ABCD2: variants seen among roughly 807,000 people sequenced by gnomAD.
ABCD2 encodes ATP binding cassette subfamily D member 2, also known as ATP-binding cassette sub-family D member 2.
A neutral mutation model predicts 70.9 loss-of-function variants in ABCD2; 36 were observed. That is an observed-to-expected ratio of 0.51 (90% CI 0.39 to 0.67). ABCD2 has a LOEUF of 0.67. Among genes scored for constraint, ABCD2 ranks in the 30% least tolerant of loss-of-function variants. The pLI is 0.00. For missense variants in ABCD2, 729 were observed against 890.2 expected, an observed-to-expected ratio of 0.82 and a Z score of 2.30; for synonymous variants, 304 against 306.9, an observed-to-expected ratio of 0.99 and a Z score of 0.10.
At chr12:39,576,280 C>T (rs1312273710) in intron 8 of ABCD2, among the ~76,000 whole-genome samples, 1 of 152,156 alleles carries the variant, frequency 6.6e-6, no homozygotes, top group African/African-American at 2.4e-5. Flanking sequence ...CTGCCTCAGC[C>T]TCCCGAGTAG....
At chr12:39,597,860 AT>A (rs975503524) in intron 6 of ABCD2, among the ~76,000 whole-genome samples, 8 of 152,060 alleles carry the variant, frequency 5.3e-5, no homozygotes, top group African/African-American at 1.7e-4. Context: ...ATCTACCAAC[AT>A]TTTTTTGTGT....
At position 39,604,822 on chromosome 12, in the gene ABCD2, T is replaced by C. The variant is rs1174704545; in HGVS notation, c.1345A>G (p.Ser449Gly). The change falls in exon 4 of 10, where the codon AGC becomes GGC. Residue 449 changes from serine (S) to glycine (G), a missense_variant. Ser to Gly is a moderately conservative substitution (Grantham distance 56). Coordinates refer to ENST00000308666, the MANE Select transcript of ABCD2 (RefSeq NM_005164.4). ...ACCTTAGCTCCATTCTTGCTATGGC[T>C]TTCAGATTCTTGAATGACAGCAGTT... is the stretch of plus-strand genomic sequence containing the variant. ...KRTAVIQESE[S>G]HSKNGAKVEL... 1 of 1,612,384 alleles carries C rather than the reference T, an allele frequency of 6.2e-7. No individual in the cohort carries two copies. Among genetic ancestry groups the C allele is most frequent in the South Asian group, 1.1e-5 (1 of 90,878 alleles).
At chr12:39,583,020 C>T (rs555646352) in intron 7 of ABCD2, among the ~76,000 whole-genome samples, 2 of 151,956 alleles carry the variant, frequency 1.3e-5, no homozygotes, top group African/African-American at 2.4e-5. Context: ...CCACCATTCC[C>T]GGATAATTTT....
At chr12:39,584,926 T>C (rs1441718676) in intron 7 of ABCD2, among the ~76,000 whole-genome samples, 8 of 152,208 alleles carry the variant, frequency 5.3e-5, no homozygotes, top group African/African-American at 1.7e-4. Flanking sequence ...TGTAGACTTG[T>C]AGTATAGTTT....
the ABCD2 span, among the ~76,000 whole-genome samples, chr12:39,536,606 TTTG>T: frequency 6.5e-4 from 99 of 152,250 alleles, no homozygotes; most frequent in South Asian, 5.6e-3. Context: ...GAGGAGAGTT[TTTG>T]TTGTTGTTGT....
chr12:39,567,797 A>G (rs999158005), intron 9 of ABCD2, among the ~76,000 whole-genome samples: 11 of 152,232 alleles, frequency 7.2e-5, no homozygotes, highest in African/African-American at 2.2e-4. Context: ...TGCTTCCTTC[A>G]GGAGCTCTTT....
intron 8 of ABCD2, among the ~76,000 whole-genome samples, chr12:39,578,172 G>T (rs1463923283): frequency 6.6e-6 from 1 of 152,146 alleles, no homozygotes; most frequent in African/African-American, 2.4e-5. Context: ...TTTTGCCCAA[G>T]ACTTAATTAT....
At chr12:39,608,425 G>T (rs1942000191) in intron 2 of ABCD2, among the ~76,000 whole-genome samples, 1 of 152,014 alleles carries the variant, frequency 6.6e-6, no homozygotes, top group African/African-American at 2.4e-5. Context: ...GGTGGCTCAT[G>T]CCTGTAGTCC....
At position 39,619,802 on chromosome 12, in the gene ABCD2, C is replaced by G. The variant is rs1942170396; in HGVS notation, c.-187G>C. 1 of 586,358 alleles carries G rather than the reference C, an allele frequency of 1.7e-6. No individual in the cohort carries two copies. Among genetic ancestry groups the G allele is most frequent in the African/African-American group, 1.9e-5 (1 of 53,708 alleles). The allele number at this position is 586,358 out of a possible 1,614,324, so 36.3% of individuals were successfully genotyped here. Reference sequence around the variant, plus strand: ...CAGCAGAGCTCAGACTCCGCTGCATCTACCGGGAATGATTCTCTCAGAAGC... The same window carrying G: ...CAGCAGAGCTCAGACTCCGCTGCATGTACCGGGAATGATTCTCTCAGAAGC... On this transcript the variant is annotated 5_prime_UTR_variant, in exon 1 of 10. Coordinates refer to ENST00000308666, the MANE Select transcript of ABCD2 (RefSeq NM_005164.4).
intron 7 of ABCD2, among the ~76,000 whole-genome samples, chr12:39,583,657 C>T (rs1941627246): frequency 6.6e-6 from 1 of 152,036 alleles, no homozygotes; most frequent in Non-Finnish European, 1.5e-5. Context: ...CTTTTCTGCT[C>T]CTCTCCCTCC....
At chr12:39,577,190 AATGAG>A (rs1314542654) in intron 8 of ABCD2, among the ~76,000 whole-genome samples, 4 of 152,116 alleles carry the variant, frequency 2.6e-5, no homozygotes, top group Admixed American at 6.5e-5. Context: ...GATAATCGCT[AATGAG>A]ATAACAGATT....
At chr12:39,579,342 A>G (rs896299278) in intron 8 of ABCD2, among the ~76,000 whole-genome samples, 193 bp downstream of exon 8, 1 of 152,258 alleles carries the variant, frequency 6.6e-6, no homozygotes, top group African/African-American at 2.4e-5. Flanking sequence ...AGCCTGGCTG[A>G]CAGAGCGAGA....
intron 7 of ABCD2, among the ~76,000 whole-genome samples, chr12:39,580,038 G>A (rs2120616193): frequency 6.6e-6 from 1 of 152,274 alleles, no homozygotes; most frequent in East Asian, 1.9e-4. Context: ...AGCACTTTAT[G>A]TGAGTTCTCT....
intron 6 of ABCD2, among the ~76,000 whole-genome samples, chr12:39,590,526 T>G (rs1409377002): frequency 6.6e-6 from 1 of 152,098 alleles, no homozygotes; most frequent in Non-Finnish European, 1.5e-5. Context: ...CAAATAATCC[T>G]TATTTAAACA....
chr12:39,533,925 G>A, the ABCD2 span, among the ~76,000 whole-genome samples: 219 of 152,300 alleles, frequency 1.4e-3, no homozygotes, highest in East Asian at 9.0e-3. Context: ...AACAGAAGGC[G>A]TATGATAGGA....
At position 39,589,676 on chromosome 12, in the gene ABCD2, C is replaced by T. The variant is rs146560220; in HGVS notation, c.1647-3379G>A. Among the ~76,000 whole-genome samples the T allele has an allele frequency of 6.9e-3, 1,051 of 151,988 alleles. 7 individuals carry two copies. Among genetic ancestry groups the T allele is most frequent in the South Asian group, 0.025 (120 of 4,820 alleles). ...TGCTGGGATTACAGGTGTGAGCCAC[C>T]GCACCCAGCCCTATCTGAGCTATTG... On this transcript the variant is annotated intron_variant, in intron 6 of 9. Transcript: ENST00000308666.
chr12:39,604,831 C>G lies in ABCD2; in HGVS notation c.1336G>C (p.Glu446Gln). The G allele has an allele frequency of 6.2e-7, 1 of 1,612,416 alleles. No individual in the cohort carries two copies. Among genetic ancestry groups the G allele is most frequent in the Non-Finnish European group, 8.5e-7 (1 of 1,179,152 alleles). Residue 446 changes from glutamate to glutamine, a missense_variant, in exon 4 of 10, where the codon GAA becomes CAA. Glu to Gln is a conservative substitution (Grantham distance 29, BLOSUM62 2). Coordinates refer to ENST00000308666, the MANE Select transcript of ABCD2 (RefSeq NM_005164.4). Reference sequence around the variant, plus strand: ...CCATTCTTGCTATGGCTTTCAGATTCTTGAATGACAGCAGTTCTCTTATAA... The same window carrying G: ...CCATTCTTGCTATGGCTTTCAGATTGTTGAATGACAGCAGTTCTCTTATAA... The part of the protein sequence containing the change: ...GIYKRTAVIQ[E>Q]SESHSKNGAK...
rs1196079378 is a variant in ABCD2, at chr12:39,550,893, C to G, written c.*3019G>C. 6.6e-6 allele frequency: 1 copy of G among 151,554 alleles called. No individual in the cohort carries two copies. Among genetic ancestry groups the G allele is most frequent in the Non-Finnish European group, 1.5e-5 (1 of 67,624 alleles). 9.4% of individuals were successfully genotyped at this position (151,554 alleles called of 1,614,324 possible). A position where few individuals can be genotyped will look rare whatever the true frequency, so the allele number is the denominator to read the frequency against. On this transcript the variant is annotated 3_prime_UTR_variant, in exon 10 of 10. Coordinates refer to ENST00000308666, the MANE Select transcript of ABCD2 (RefSeq NM_005164.4). The stretch of plus-strand genomic sequence containing the variant: ...AGACTCATTGAATCAAAAAGCTATT[C>G]CAAACATATTAGAATAAGATGAATC...
chr12:39,534,778 GA>G, the ABCD2 span, among the ~76,000 whole-genome samples: 1 of 132,618 alleles, frequency 7.5e-6, no homozygotes, highest in Non-Finnish European at 1.6e-5. Context: ...AAGAAAGAAA[GA>G]AAGAAAGAAA....
Sources: allele counts gnomAD v4.1 joint callset (sites outside exome capture counted in the v4.1 genomes callset), GRCh38; gene constraint gnomAD v4.1.1; transcripts MANE v1.5; gene names NCBI Gene and HGNC (gene_info 2026-07-23, HGNC 2026-07-21).